LSAMP: variants seen among roughly 807,000 people sequenced by gnomAD.
LSAMP encodes limbic system-associated membrane protein.
Under a neutral mutation model 38.6 loss-of-function variants are expected in LSAMP, and 7 were observed. The observed-to-expected ratio is 0.18, with a 90% confidence interval of 0.10 to 0.34. The LOEUF (loss-of-function observed/expected upper bound fraction) is 0.34, where lower values mean the gene tolerates loss of function less well. Among genes scored for constraint, LSAMP ranks in the 10% least tolerant of loss-of-function variants. The pLI is 1.00. For missense variants in LSAMP, 313 were observed against 420.0 expected, an observed-to-expected ratio of 0.75 and a Z score of 2.23; for synonymous variants, 154 against 166.8, an observed-to-expected ratio of 0.92 and a Z score of 0.59.
At chr3:116,350,100 A>T (rs2048116679) in intron 1 of LSAMP, among the ~76,000 whole-genome samples, 1 of 152,052 alleles carries the variant, frequency 6.6e-6, no homozygotes, top group South Asian at 2.1e-4. Context: ...AAAATAATTG[A>T]TTAAGAGGAT....
chr3:116,203,400 TTTTA>T (rs2046017658), intron 1 of LSAMP, among the ~76,000 whole-genome samples: 2 of 141,424 alleles, frequency 1.4e-5, no homozygotes, highest in East Asian at 2.1e-4. Context: ...TTTATTTATT[TTTTA>T]TTTTTTTATT....
At chr3:115,897,153 G>A (rs1936748947) in intron 3 of LSAMP, among the ~76,000 whole-genome samples, 1 of 152,074 alleles carries the variant, frequency 6.6e-6, no homozygotes, top group South Asian at 2.1e-4. Context: ...TATGGTATGT[G>A]TGTGGCAGGG....
intron 1 of LSAMP, among the ~76,000 whole-genome samples, chr3:116,226,563 C>A (rs753390768): frequency 1.3e-5 from 2 of 152,212 alleles, no homozygotes; most frequent in Non-Finnish European, 2.9e-5. Context: ...GGAATATGGA[C>A]AATCCACTTC....
intron 2 of LSAMP, among the ~76,000 whole-genome samples, chr3:116,033,455 C>A (rs982721236): frequency 1.3e-5 from 2 of 152,126 alleles, no homozygotes; most frequent in Non-Finnish European, 2.9e-5. Context: ...CTGCACCCTG[C>A]CGTGATGTTT....
At chr3:115,980,003 T>A (rs1939311156) in intron 3 of LSAMP, among the ~76,000 whole-genome samples, 1 of 152,164 alleles carries the variant, frequency 6.6e-6, no homozygotes, top group South Asian at 2.1e-4. Context: ...TTTTTGACTC[T>A]AAAGTCAACT....
At chr3:116,305,120 C>A (rs1001568769) in intron 1 of LSAMP, among the ~76,000 whole-genome samples, 1 of 152,112 alleles carries the variant, frequency 6.6e-6, no homozygotes, top group African/African-American at 2.4e-5. Context: ...GCTCCAATAT[C>A]CTTCCCTATT....
intron 1 of LSAMP, among the ~76,000 whole-genome samples, chr3:116,308,799 T>C (rs2047518882): frequency 6.6e-6 from 1 of 152,088 alleles, no homozygotes; most frequent in Non-Finnish European, 1.5e-5. Context: ...CATGATAATA[T>C]ACTATTTCAA....
At chr3:115,968,595 C>T (rs1219359676) in intron 3 of LSAMP, among the ~76,000 whole-genome samples, 1 of 152,182 alleles carries the variant, frequency 6.6e-6, no homozygotes, top group East Asian at 1.9e-4. Flanking sequence ...CTTTACTCTT[C>T]CCTCTTCTCT....
At chr3:115,911,464 C>T (rs1937133546) in intron 3 of LSAMP, among the ~76,000 whole-genome samples, 1 of 152,090 alleles carries the variant, frequency 6.6e-6, no homozygotes, top group Admixed American at 6.5e-5. Flanking sequence ...CTCAGGTGAT[C>T]CTCCCACCTC....
chr3:116,193,923 C>T (rs145960495), intron 1 of LSAMP, among the ~76,000 whole-genome samples: 1 of 141,388 alleles, frequency 7.1e-6, no homozygotes, highest in Non-Finnish European at 1.6e-5. Context: ...CCTTTGCTGA[C>T]CCTAGTTCAG....
At chr3:116,444,748 C>T (rs1456923463) in intron 1 of LSAMP, 129 bp downstream of exon 1, 1 of 1,205,814 alleles carries the variant, frequency 8.3e-7, no homozygotes, top group East Asian at 2.5e-5. Flanking sequence ...ACACACACCA[C>T]AAGCCTGCAG....
intron 3 of LSAMP, among the ~76,000 whole-genome samples, chr3:115,865,976 C>G (rs1935846456): frequency 6.6e-6 from 1 of 152,084 alleles, no homozygotes; most frequent in African/African-American, 2.4e-5. Flanking sequence ...AATTCAGTCT[C>G]CATTTGTTGG....
chr3:116,337,553 AGCTTTGTCCTTTGGAATGCTT>A (rs1209404700), intron 1 of LSAMP, among the ~76,000 whole-genome samples: 1 of 151,992 alleles, frequency 6.6e-6, no homozygotes, highest in Non-Finnish European at 1.5e-5. Flanking sequence ...CACTCTAGCT[AGCTTTGTCCTTTGGAATGCTT>A]GCTGACCCAA....
At chr3:116,244,648 C>G (rs1429343500) in intron 1 of LSAMP, among the ~76,000 whole-genome samples, 1 of 152,168 alleles carries the variant, frequency 6.6e-6, no homozygotes, top group Non-Finnish European at 1.5e-5. Flanking sequence ...ACAGAGCACT[C>G]TCATCATCAG....
rs559580430 is a variant in LSAMP at position 116,183,832 on chromosome 3, C to T, written c.156-97276G>A. Among the ~76,000 whole-genome samples the T allele has an allele frequency of 9.6e-4, 145 of 151,832 alleles. 2 individuals carry two copies. Among genetic ancestry groups the T allele is most frequent in the African/African-American group, 3.4e-3 (143 of 41,478 alleles). On this transcript the variant is annotated intron_variant, in intron 1 of 6. Transcript: ENST00000490035. Reference sequence around the variant, plus strand: ...ATAAAGTGATATCAAAATTAGGACACATTTTGAGGAAGAACCAGTAGGACA... The same window carrying T: ...ATAAAGTGATATCAAAATTAGGACATATTTTGAGGAAGAACCAGTAGGACA...
chr3:115,905,967 T>A (rs544613268), intron 3 of LSAMP, among the ~76,000 whole-genome samples: 16 of 152,250 alleles, frequency 1.1e-4, no homozygotes, highest in Non-Finnish European at 2.1e-4. Flanking sequence ...GCCAAGGACA[T>A]GAGACTAGTA....
chr3:115,854,177 T>A (rs1427118511), intron 3 of LSAMP, among the ~76,000 whole-genome samples: 1 of 151,578 alleles, frequency 6.6e-6, no homozygotes, highest in Admixed American at 6.6e-5. Context: ...GTTCTGAAGT[T>A]CTGCACATTA....
intron 1 of LSAMP, among the ~76,000 whole-genome samples, chr3:116,139,802 T>G (rs1480615881): frequency 6.6e-6 from 1 of 151,964 alleles, no homozygotes; most frequent in African/African-American, 2.4e-5. Flanking sequence ...TCTCTGTTCT[T>G]TTGCTAGCCA....
In LSAMP at chr3:116,076,676, C is replaced by A. The variant is rs529014467; in HGVS notation, c.388+9648G>T. 3.3e-5 allele frequency among the ~76,000 whole-genome samples: 5 copies of A among 152,214 alleles called. No homozygotes were observed. In the South Asian group the frequency reaches 1.0e-3, roughly 32 times the overall value. ...GTAATTTTTAGATACATAAAAAATTCAATTTACCTTGGGGATCATTATATT... is the reference window on the plus strand; with the variant it reads ...GTAATTTTTAGATACATAAAAAATTAAATTTACCTTGGGGATCATTATATT... On this transcript the variant is annotated intron_variant, in intron 2 of 6. Transcript: ENST00000490035.
Sources: gnomAD v4.1 joint callset for allele counts (sites outside exome capture counted in the v4.1 genomes callset) on GRCh38, gnomAD v4.1.1 for gene constraint, MANE v1.5 for transcripts, NCBI Gene and HGNC (gene_info 2026-07-23, HGNC 2026-07-21) for gene names.